The following RPA2 variants were observed in gnomAD, a reference collection of about 807,000 sequenced individuals.
RPA2 encodes the protein replication protein A2.
RPA2 carries 22 observed loss-of-function variants against 33.4 expected under a neutral mutation model. The ratio of observed to expected loss-of-function variants is 0.66; its 90% CI spans 0.47 to 0.94. RPA2 has a LOEUF of 0.94. RPA2 is among the 40% of genes least tolerant of loss of function. RPA2 has a pLI of 0.00. For synonymous variants in RPA2, 109 were observed against 114.9 expected (o/e 0.95, Z 0.33); for missense variants, 279 against 329.9 (o/e 0.85, Z 1.19).
upstream of RPA2, chr1:27,914,656 C>T (rs1397865525): frequency 2.5e-6 from 4 of 1,613,734 alleles, no homozygotes; most frequent in Admixed American, 6.7e-5. Flanking sequence ...GTCTCCTCTG[C>T]CCATGCTCCA....
At chr1:27,914,706 C>A (rs1386565423), upstream of RPA2, 1 of 1,606,534 alleles carries the variant, frequency 6.2e-7, no homozygotes, top group South Asian at 1.1e-5. Flanking sequence ...CCAAAAGCCT[C>A]CGCGGCCATC....
At chr1:27,905,286 T>C (rs1031309141) in intron 4 of RPA2, among the ~76,000 whole-genome samples, 3 of 152,094 alleles carry the variant, frequency 2.0e-5, no homozygotes, top group African/African-American at 2.4e-5. Context: ...TATTTTGAGA[T>C]TGCTTTATTT....
At chr1:27,909,233 T>G (rs2090068261) in intron 2 of RPA2, among the ~76,000 whole-genome samples, 1 of 152,208 alleles carries the variant, frequency 6.6e-6, no homozygotes, top group African/African-American at 2.4e-5. Flanking sequence ...ACTCTTGGCC[T>G]TCATGGATTT....
intron 2 of RPA2, among the ~76,000 whole-genome samples, chr1:27,913,164 G>GC (rs2090121340): frequency 1.3e-5 from 2 of 151,576 alleles, no homozygotes; most frequent in African/African-American, 4.8e-5. Context: ...TGTTGGCCAG[G>GC]CTGGTCAGGA....
At chr1:27,904,976 T>A (rs566910071) in intron 4 of RPA2, among the ~76,000 whole-genome samples, 284 of 152,182 alleles carry the variant, frequency 1.9e-3, no homozygotes, top group Non-Finnish European at 3.4e-3. Context: ...TTATCCAAAT[T>A]TTCTGTAATG....
Position 27,894,081 on chromosome 1 carries a change from G to A in RPA2, c.659C>T (p.Pro220Leu), listed in dbSNP as rs779533846. Residue 220 changes from proline (P) to leucine (L), a missense_variant, in exon 8 of 9, where the codon CCA becomes CTA. Pro to Leu is a moderately conservative substitution (Grantham distance 98). This residue lies in a region of RPA2 where 274 missense variants were observed against 310.3 expected (regional missense o/e 0.88). Coordinates refer to ENST00000373912, the MANE Select transcript of RPA2 (RefSeq NM_002946.5). ...NQVLNLIKAC[P>L]RPEGLNFQDL... ...CTGAAAGTTCAACCCTTCAGGTCTT[G>A]GACAAGCCTTAATCAAATTCAACAC... 1 of 1,613,996 alleles carries A rather than the reference G, an allele frequency of 6.2e-7. No individual in the cohort carries two copies. Among genetic ancestry groups the A allele is most frequent in the Non-Finnish European group, 8.5e-7 (1 of 1,179,934 alleles).
At chr1:27,903,079 G>A (rs2089986968) in intron 4 of RPA2, among the ~76,000 whole-genome samples, 1 of 152,030 alleles carries the variant, frequency 6.6e-6, no homozygotes, top group Non-Finnish European at 1.5e-5. Context: ...ATAGGTGTGT[G>A]CCACCACGCC....
intron 2 of RPA2, among the ~76,000 whole-genome samples, chr1:27,909,748 C>T (rs776138542): frequency 3.2e-4 from 48 of 151,904 alleles, no homozygotes; most frequent in Non-Finnish European, 5.7e-4. Flanking sequence ...CTCTTGGTCA[C>T]ATGTATTAAC....
chr1:27,914,093 C>A lies in RPA2; in HGVS notation c.87G>T (p.Ser29=), dbSNP rs1440872463. ...TCTTTTCGGCTTGAGAAGGTGCGGG[C>A]GATCCAAAGCCCCCCGGGGACTGCG... ...GYTQSPGGFG[S]PAPSQAEKKS... is the part of the protein sequence containing the mutation. Residue 29 remains serine, a synonymous_variant, in exon 2 of 9, where the codon TCG becomes TCT. Transcript: ENST00000373912. The A allele has an allele frequency of 6.3e-7, 1 of 1,599,784 alleles. No individual in the cohort carries two copies. The highest frequency in any genetic ancestry group is 2.3e-5 in the East Asian group (1 of 44,156).
At chr1:27,902,500 T>A (rs2089980563) in intron 4 of RPA2, among the ~76,000 whole-genome samples, 1 of 151,814 alleles carries the variant, frequency 6.6e-6, no homozygotes, top group African/African-American at 2.4e-5. Flanking sequence ...GCCAGGCTGG[T>A]CTCAAACTCC....
Position 27,907,254 on chromosome 1 carries a change from C to T in RPA2, c.146G>A (p.Cys49Tyr). ...GGCAGAAAGCAGCTGAGATATAGTA[C>T]AGGGCACAATGTGCTGGGCTCGGGC... ...SRARAQHIVP[C>Y]TISQLLSATL... The change falls in exon 3 of 9, where the codon TGT becomes TAT. Residue 49 changes from cysteine (C) to tyrosine (Y), a missense_variant. Physicochemically the swap from Cys to Tyr is radical, Grantham distance 194. Transcript: ENST00000373912. 1 of 1,613,518 alleles carries T rather than the reference C, an allele frequency of 6.2e-7. No homozygotes were observed. The highest frequency in any genetic ancestry group is 8.5e-7 in the Non-Finnish European group (1 of 1,179,802).
intron 4 of RPA2, 22 bp from the exon 5 acceptor site, chr1:27,897,729 T>C (rs1429406557): frequency 1.3e-6 from 2 of 1,540,172 alleles, no homozygotes; most frequent in Admixed American, 1.9e-5. Flanking sequence ...TACAAACATG[T>C]CATTAAAGTT....
intron 4 of RPA2, 108 bp from the exon 5 acceptor site, chr1:27,897,815 T>A: frequency 1.5e-6 from 1 of 652,528 alleles, no homozygotes; most frequent in Non-Finnish European, 2.3e-6. Context: ...GTAGAAGAGT[T>A]AAAGGATCCT....
intron 4 of RPA2, among the ~76,000 whole-genome samples, chr1:27,901,588 T>TGACCTCAGGTGACCCTCCC (rs2089968399): frequency 6.6e-6 from 1 of 152,060 alleles, no homozygotes; most frequent in Non-Finnish European, 1.5e-5. Flanking sequence ...CTTGAACTCC[T>TGACCTCAGGTGACCCTCCC]GACCTCAGGT....
At chr1:27,897,752 G>C in intron 4 of RPA2, 45 bp from the exon 5 acceptor site, 3 of 1,372,626 alleles carry the variant, frequency 2.2e-6, no homozygotes, top group Non-Finnish European at 3.0e-6. Context: ...AGTGATGCTG[G>C]TAAAAGCCTC....
At position 27,900,272 on chromosome 1, in the gene RPA2, C is replaced by T. The variant is rs146601008; in HGVS notation, c.334-2565G>A. ...GATTACAGGCATGCACCACTGTGCC[C>T]GGCTAGTTTTTGCATTTTTAGTAGA... On this transcript the variant is annotated intron_variant, in intron 4 of 8. Transcript: ENST00000373912. Among the ~76,000 whole-genome samples the T allele has an allele frequency of 3.6e-3, 551 of 152,076 alleles. 4 individuals carry two copies. The highest frequency in any genetic ancestry group is 0.013 in the African/African-American group (529 of 41,464).
At chr1:27,896,283 C>T (rs949939354) in intron 6 of RPA2, among the ~76,000 whole-genome samples, 1 of 152,062 alleles carries the variant, frequency 6.6e-6, no homozygotes, top group Non-Finnish European at 1.5e-5. Flanking sequence ...GCCTTGACCT[C>T]CTGGGCTTAA....
intron 8 of RPA2, among the ~76,000 whole-genome samples, chr1:27,893,638 C>T (rs1049584305): frequency 8.6e-5 from 13 of 151,972 alleles, no homozygotes; most frequent in Admixed American, 7.2e-4. Flanking sequence ...GATGGAATCT[C>T]GCTCTGTCAC....
chr1:27,897,493 A>T, intron 5 of RPA2, 140 bp downstream of exon 5: 2 of 506,154 alleles, frequency 4.0e-6, no homozygotes, highest in South Asian at 4.6e-5. Flanking sequence ...AAGAAAAGTT[A>T]TTTCCTTTTG....
Sources: allele counts gnomAD v4.1 joint callset (sites outside exome capture counted in the v4.1 genomes callset), GRCh38; gene constraint gnomAD v4.1.1; regional missense constraint gnomAD v4.1.1; transcripts MANE v1.5; gene names NCBI Gene and HGNC (gene_info 2026-07-23, HGNC 2026-07-21).